UST: variants seen among roughly 807,000 people sequenced by gnomAD.
The protein encoded by UST is chondroitin sulfate 2-O-sulfotransferase.
Under a neutral mutation model 45.6 loss-of-function variants are expected in UST, and 21 were observed. The observed-to-expected ratio is 0.46, with a 90% CI of 0.33 to 0.66. The LOEUF (loss-of-function observed/expected upper bound fraction) is 0.66. Ranked by LOEUF, UST falls within the 30% of genes least tolerant of loss-of-function variation. The probability of loss-of-function intolerance (pLI) is 0.02; values close to 1 mark genes in which losing one functional copy is unlikely to be tolerated. For synonymous variants in UST, 215 were observed against 200.6 expected, an observed-to-expected ratio of 1.07 and a Z score of -0.61; for missense variants, 463 against 512.4, an observed-to-expected ratio of 0.90 and a Z score of 0.93.
At chr6:148,954,999 C>T (rs1780455787) in intron 4 of UST, among the ~76,000 whole-genome samples, 1 of 152,248 alleles carries the variant, frequency 6.6e-6, no homozygotes, top group African/African-American at 2.4e-5. Flanking sequence ...TCTGCATACA[C>T]AGCTGCTATC....
chr6:148,813,459 G>T lies in UST; in HGVS notation c.247+65782G>T, dbSNP rs371338080. On this transcript the variant is annotated intron_variant, in intron 1 of 7. Coordinates refer to ENST00000367463, the MANE Select transcript of UST (RefSeq NM_005715.3). ...TGCAGTGGCACGATCTCAGCTCACC[G>T]CAACCTCCACCTCCCGGGTTCAAGT... Among the ~76,000 whole-genome samples the T allele has an allele frequency of 2.0e-5, 3 of 151,304 alleles. No individual in the cohort carries two copies. In the East Asian group the frequency reaches 5.8e-4, roughly 29 times the overall value.
At chr6:148,758,423 A>G (rs183453230) in intron 1 of UST, among the ~76,000 whole-genome samples, 1 of 151,930 alleles carries the variant, frequency 6.6e-6, no homozygotes, top group Admixed American at 6.5e-5. Context: ...CAAAATAAAA[A>G]TAGCTGTGTG....
At chr6:149,005,495 T>C (rs1171350916) in intron 5 of UST, 2 of 985,410 alleles carry the variant, frequency 2.0e-6, no homozygotes, top group Non-Finnish European at 1.2e-6. Flanking sequence ...GCCCGAACTT[T>C]GCTCATTTAA....
intron 7 of UST, among the ~76,000 whole-genome samples, chr6:149,026,246 G>A (rs547260023): frequency 6.6e-5 from 10 of 152,084 alleles, no homozygotes; most frequent in African/African-American, 1.2e-4. Context: ...TGGGGAGGTC[G>A]AGGCTGCAGT....
intron 2 of UST, among the ~76,000 whole-genome samples, chr6:148,928,508 A>G (rs1216317705): frequency 6.6e-6 from 1 of 152,248 alleles, no homozygotes; most frequent in East Asian, 1.9e-4. Flanking sequence ...CCTGAATGTA[A>G]TAACAGTTCC....
intron 1 of UST, among the ~76,000 whole-genome samples, chr6:148,877,956 G>GA (rs1562286150): frequency 1.2e-5 from 1 of 81,492 alleles, no homozygotes; most frequent in Non-Finnish European, 2.3e-5. Flanking sequence ...GAGTGCGGGG[G>GA]TCGTGTATGA....
intron 5 of UST, among the ~76,000 whole-genome samples, chr6:148,994,282 A>G (rs1447643052): frequency 1.3e-5 from 2 of 152,002 alleles, no homozygotes; most frequent in African/African-American, 4.8e-5. Flanking sequence ...TCAGATATTT[A>G]TAGCAATGCA....
chr6:148,876,478 G>A (rs1181285228), intron 1 of UST, among the ~76,000 whole-genome samples: 2 of 152,128 alleles, frequency 1.3e-5, no homozygotes, highest in African/African-American at 4.8e-5. Flanking sequence ...TATTTCCAAA[G>A]TCACTCGGCT....
At chr6:148,791,097 G>A (rs1776838440) in intron 1 of UST, among the ~76,000 whole-genome samples, 1 of 152,220 alleles carries the variant, frequency 6.6e-6, no homozygotes, top group Non-Finnish European at 1.5e-5. Context: ...CTCAAGTGCA[G>A]TGGTTCTCAA....
At chr6:148,878,661 A>G (rs72986634) in intron 1 of UST, among the ~76,000 whole-genome samples, 4,481 of 27,804 alleles carry the variant, frequency 0.16, 176 homozygotes, top group African/African-American at 0.3. Flanking sequence ...GGTCGTGTAT[A>G]AGTGCGGGGG....
chr6:148,846,285 C>G (rs1488998467), intron 1 of UST, among the ~76,000 whole-genome samples: 1 of 151,590 alleles, frequency 6.6e-6, no homozygotes, highest in Non-Finnish European at 1.5e-5. Flanking sequence ...TGATGAGTTC[C>G]TGTCCTTTGT....
chr6:148,822,542 G>A (rs1024128831), intron 1 of UST, among the ~76,000 whole-genome samples: 2 of 152,226 alleles, frequency 1.3e-5, no homozygotes, highest in African/African-American at 4.8e-5. Flanking sequence ...AAATGAGAGA[G>A]AGAGAATATA....
rs181627531 is a variant in UST, at chr6:148,820,168, A to G, written c.248-66818A>G. 1.8e-3 allele frequency among the ~76,000 whole-genome samples: 272 copies of G among 152,264 alleles called. 2 individuals carry two copies. The highest frequency in any genetic ancestry group is 8.9e-3 in the East Asian group (46 of 5,182). On this transcript the variant is annotated intron_variant, in intron 1 of 7. Transcript: ENST00000367463. ...GATATCGACATACTAAAATCCTCTA[A>G]TCTTTTTCCTTTAAATATACTTATT...
At chr6:148,937,172 G>A (rs564608969) in intron 2 of UST, among the ~76,000 whole-genome samples, 9 of 152,272 alleles carry the variant, frequency 5.9e-5, no homozygotes, top group African/African-American at 1.9e-4. Flanking sequence ...GTTTACTTAC[G>A]TTTGTGGTAG....
intron 1 of UST, among the ~76,000 whole-genome samples, chr6:148,846,787 G>A (rs533996895): frequency 4.1e-4 from 63 of 152,356 alleles, no homozygotes; most frequent in Middle Eastern, 3.4e-3. Context: ...AGTTGTCAAA[G>A]TCCCTTTCAG....
chr6:148,756,718 G>A lies in UST; in HGVS notation c.247+9041G>A, dbSNP rs955278275. Among the ~76,000 whole-genome samples the A allele has an allele frequency of 2.0e-5, 3 of 152,164 alleles. No individual in the cohort carries two copies. In the South Asian group the frequency reaches 6.2e-4, roughly 32 times the overall value. On this transcript the variant is annotated intron_variant, in intron 1 of 7. Transcript: ENST00000367463. Reference sequence around the variant, plus strand: ...TACCTTGTATTGTGATCATCTGTGAGCAAGCACCTTGAAGGGAGGAAGCTT... The same window carrying A: ...TACCTTGTATTGTGATCATCTGTGAACAAGCACCTTGAAGGGAGGAAGCTT...
At chr6:148,931,457 A>G (rs989940668) in intron 2 of UST, among the ~76,000 whole-genome samples, 2 of 152,238 alleles carry the variant, frequency 1.3e-5, no homozygotes, top group African/African-American at 2.4e-5. Context: ...TGGAGAGATT[A>G]TCTATCCAAA....
intron 1 of UST, among the ~76,000 whole-genome samples, chr6:148,864,798 T>C (rs1778394663): frequency 6.6e-6 from 1 of 152,234 alleles, no homozygotes. Flanking sequence ...CAAAATAGTT[T>C]GGTCTAGTGT....
At chr6:148,860,050 A>G (rs1251111833) in intron 1 of UST, among the ~76,000 whole-genome samples, 1 of 152,184 alleles carries the variant, frequency 6.6e-6, no homozygotes, top group Non-Finnish European at 1.5e-5. Flanking sequence ...TGGTAGCTTA[A>G]TGGGGATGGC....
Sources: gnomAD v4.1 joint callset for allele counts (sites outside exome capture counted in the v4.1 genomes callset) on GRCh38, gnomAD v4.1.1 for gene constraint, MANE v1.5 for transcripts, NCBI Gene and HGNC (gene_info 2026-07-23, HGNC 2026-07-21) for gene names.